B4GALT5: variants seen among roughly 807,000 people sequenced by gnomAD.
B4GALT5 encodes the protein beta-1,4-galactosyltransferase 5.
B4GALT5 carries 11 observed loss-of-function variants against 45.0 expected under a neutral mutation model. The observed-to-expected ratio is 0.24, with a 90% CI of 0.15 to 0.40. B4GALT5 has a LOEUF of 0.40. Among genes scored for constraint, B4GALT5 ranks in the 10% least tolerant of loss-of-function variants. The pLI, the probability that B4GALT5 is intolerant of heterozygous loss-of-function variation, is 1.00. For missense variants in B4GALT5, 337 were observed against 500.2 expected (o/e 0.67, Z 3.11); for synonymous variants, 185 against 182.9 (o/e 1.01, Z -0.09).
chr20:49,693,694 C>T (rs1017778791), intron 1 of B4GALT5, among the ~76,000 whole-genome samples: 1 of 152,204 alleles, frequency 6.6e-6, no homozygotes, highest in Non-Finnish European at 1.5e-5. Flanking sequence ...CTTTTTAAGA[C>T]ATTTTCCAAA....
At chr20:49,681,652 G>A (rs1300756611) in intron 1 of B4GALT5, among the ~76,000 whole-genome samples, 1 of 152,152 alleles carries the variant, frequency 6.6e-6, no homozygotes, top group Non-Finnish European at 1.5e-5. Flanking sequence ...TGTCCTTCCC[G>A]TCCACAAACC....
rs1403289309 is a variant in B4GALT5, at chr20:49,650,880, A to G, written c.251-3802T>C. Among the ~76,000 whole-genome samples, 7 of 152,224 alleles carry G rather than the reference A, an allele frequency of 4.6e-5. No homozygotes were observed. In the South Asian group the frequency reaches 1.2e-3, roughly 27 times the overall value. On this transcript the variant is annotated intron_variant, in intron 2 of 8. Coordinates refer to ENST00000371711, the MANE Select transcript of B4GALT5 (RefSeq NM_004776.4). ...TACCTACTGAATGAGGAAAATGCTGAGAGAAAAACAAGCCTGTTGAATTTC... is the reference window on the plus strand; with the variant it reads ...TACCTACTGAATGAGGAAAATGCTGGGAGAAAAACAAGCCTGTTGAATTTC...
intron 1 of B4GALT5, among the ~76,000 whole-genome samples, chr20:49,664,498 T>C (rs1427483058): frequency 4.1e-5 from 6 of 145,154 alleles, no homozygotes; most frequent in East Asian, 2.1e-4. Flanking sequence ...TGAAAGAACA[T>C]AGGATATTCT....
chr20:49,695,276 C>G (rs1439297185), intron 1 of B4GALT5, among the ~76,000 whole-genome samples: 1 of 151,912 alleles, frequency 6.6e-6, no homozygotes, highest in African/African-American at 2.4e-5. Flanking sequence ...CAACCCCCTA[C>G]ACAATCCCCA....
chr20:49,639,948 G>T, intron 6 of B4GALT5, 148 bp from the exon 7 acceptor site: 1 of 1,104,832 alleles, frequency 9.1e-7, no homozygotes, highest in Non-Finnish European at 1.3e-6. Context: ...ATTAATTTTT[G>T]CAAACTGATT....
chr20:49,637,190 C>A, intron 8 of B4GALT5, 151 bp downstream of exon 8: 1 of 692,298 alleles, frequency 1.4e-6, no homozygotes, highest in East Asian at 2.5e-5. Context: ...TGTTCTGCCT[C>A]AGAGTTAGAA....
chr20:49,642,688 AGGCT>A, intron 4 of B4GALT5, 104 bp from the exon 5 acceptor site: 1 of 749,848 alleles, frequency 1.3e-6, no homozygotes, highest in East Asian at 2.5e-5. Flanking sequence ...GAGTTCTGGG[AGGCT>A]GGCTATCTTG....
At position 49,656,623 on chromosome 20, in the gene B4GALT5, A is replaced by G. The variant is rs778225889; in HGVS notation, c.195T>C (p.Tyr65=). Residue 65 remains tyrosine (Y), a synonymous_variant, in exon 2 of 9, where the codon TAT becomes TAC. Coordinates refer to ENST00000371711, the MANE Select transcript of B4GALT5 (RefSeq NM_004776.4). The part of the protein sequence containing the change: ...DNVRTIGAQV[Y]EQVLRSAYAK... ...CATAAGCACTCCGAAGCACCTGCTC[A>G]TAAACCTGAGCACCGATTGTTCTCA... 6.2e-7 allele frequency: 1 copy of G among 1,614,234 alleles called. No homozygotes were observed. Among genetic ancestry groups the G allele is most frequent in the Non-Finnish European group, 8.5e-7 (1 of 1,180,040 alleles).
intron 1 of B4GALT5, 128 bp from the exon 2 acceptor site, chr20:49,656,830 T>A: frequency 8.5e-7 from 1 of 1,175,744 alleles, no homozygotes; most frequent in Non-Finnish European, 1.2e-6. Context: ...TTTAAAACCC[T>A]ACATGACCAT....
chr20:49,713,077 G>T lies in B4GALT5; in HGVS notation c.115+499C>A, dbSNP rs547408282. The stretch of plus-strand genomic sequence containing the variant: ...AGGAAACGATGGAGTCATGGGGAGT[G>T]GGGGAGGATGGATGGGAGCTAGAAG... On this transcript the variant is annotated intron_variant, in intron 1 of 8. Transcript: ENST00000371711. Among the ~76,000 whole-genome samples the T allele has an allele frequency of 2.0e-5, 3 of 151,888 alleles. No individual in the cohort carries two copies. The East Asian group carries it at 5.8e-4, about 29-fold the overall frequency.
chr20:49,654,312 G>A (rs1261791487), intron 2 of B4GALT5, among the ~76,000 whole-genome samples: 1 of 152,204 alleles, frequency 6.6e-6, no homozygotes, highest in Non-Finnish European at 1.5e-5. Flanking sequence ...TTAACTGACA[G>A]AGCCACATGA....
chr20:49,658,838 A>G (rs1185976434), intron 1 of B4GALT5, among the ~76,000 whole-genome samples: 1 of 152,224 alleles, frequency 6.6e-6, no homozygotes, highest in African/African-American at 2.4e-5. Context: ...CCACACTTCT[A>G]TAACCACTGC....
intron 1 of B4GALT5, among the ~76,000 whole-genome samples, chr20:49,707,087 AG>A (rs1280656083): frequency 1.3e-5 from 2 of 152,244 alleles, no homozygotes; most frequent in East Asian, 3.9e-4. Context: ...TCTGCCGGCT[AG>A]GTATCCTGGA....
intron 1 of B4GALT5, among the ~76,000 whole-genome samples, chr20:49,672,192 A>G (rs2085718904): frequency 6.6e-6 from 1 of 152,174 alleles, no homozygotes; most frequent in Admixed American, 6.5e-5. Flanking sequence ...ATATATTTTA[A>G]TCACATTATT....
chr20:49,684,570 A>C (rs1453536846), intron 1 of B4GALT5: 1 of 518,476 alleles, frequency 1.9e-6, no homozygotes, highest in Non-Finnish European at 3.8e-6. Context: ...AAGAAGAAAA[A>C]AAAGTTGGTC....
chr20:49,661,735 G>T (rs1877461018), intron 1 of B4GALT5, among the ~76,000 whole-genome samples: 1 of 152,184 alleles, frequency 6.6e-6, no homozygotes, highest in Non-Finnish European at 1.5e-5. Flanking sequence ...TATGCATAAG[G>T]CAACGCTGAA....
chr20:49,649,504 TG>T (rs1406172827), intron 2 of B4GALT5, among the ~76,000 whole-genome samples: 1 of 151,894 alleles, frequency 6.6e-6, no homozygotes, highest in African/African-American at 2.4e-5. Flanking sequence ...CACCTGAGCC[TG>T]GGAGGTCGAG....
At position 49,636,455 on chromosome 20, in the gene B4GALT5, C is replaced by A. The variant is rs1383829629; in HGVS notation, c.1024G>T (p.Ala342Ser). 1 of 1,613,988 alleles carries A rather than the reference C, an allele frequency of 6.2e-7. No individual in the cohort carries two copies. Among genetic ancestry groups the A allele is most frequent in the Non-Finnish European group, 8.5e-7 (1 of 1,179,982 alleles). ...CGTTCTTTTGACTTCCTCAGCAGAGCATACCTGTTTAGGGAGGGAACAGAG... is the reference window on the plus strand; with the variant it reads ...CGTTCTTTTGACTTCCTCAGCAGAGAATACCTGTTTAGGGAGGGAACAGAG... ...RGEVQFLGRY[A>S]LLRKSKERQG... Residue 342 changes from alanine to serine, a missense_variant, in exon 9 of 9, where the codon GCT becomes TCT. Ala to Ser is a moderately conservative substitution (Grantham distance 99). Coordinates refer to ENST00000371711, the MANE Select transcript of B4GALT5 (RefSeq NM_004776.4).
At chr20:49,709,452 A>G (rs2146364316) in intron 1 of B4GALT5, among the ~76,000 whole-genome samples, 1 of 152,232 alleles carries the variant, frequency 6.6e-6, no homozygotes, top group Non-Finnish European at 1.5e-5. Flanking sequence ...CTGATATAAA[A>G]CACTACTTCC....
Sources: allele counts gnomAD v4.1 joint callset (sites outside exome capture counted in the v4.1 genomes callset), GRCh38; gene constraint gnomAD v4.1.1; transcripts MANE v1.5; gene names NCBI Gene and HGNC (gene_info 2026-07-23, HGNC 2026-07-21).